Variants in PACS1 observed in about 807,000 individuals in gnomAD.
PACS1 encodes PACS-1.
In PACS1, 24 loss-of-function variants were observed where a neutral mutation model predicts 115.0. That is an observed-to-expected ratio of 0.21 (90% CI 0.15 to 0.29). The LOEUF (loss-of-function observed/expected upper bound fraction) is 0.29. PACS1 is among the 10% of genes least tolerant of loss of function. The pLI, the probability that PACS1 is intolerant of heterozygous loss-of-function variation, is 1.00. For missense variants in PACS1, 838 were observed against 1,251.2 expected (o/e 0.67, Z 4.98); for synonymous variants, 453 against 504.5 (o/e 0.90, Z 1.37).
At chr11:66,229,878 G>A (rs1456771909) in intron 11 of PACS1, among the ~76,000 whole-genome samples, 7 of 150,304 alleles carry the variant, frequency 4.7e-5, no homozygotes, top group Admixed American at 4.0e-4. Context: ...CTTGGGAGGC[G>A]GAGGTTGCGG....
intron 10 of PACS1, among the ~76,000 whole-genome samples, chr11:66,225,842 A>T (rs1855460582): frequency 6.6e-6 from 1 of 152,202 alleles, no homozygotes. Flanking sequence ...TCTCAGGTCT[A>T]ACCAGAGCTT....
chr11:66,228,454 C>T (rs185171847), intron 11 of PACS1, among the ~76,000 whole-genome samples: 6 of 152,208 alleles, frequency 3.9e-5, no homozygotes, highest in African/African-American at 4.8e-5. Context: ...CCCTAACTTA[C>T]ATTTTCTAGT....
intron 2 of PACS1, among the ~76,000 whole-genome samples, chr11:66,194,725 A>C (rs1854610529): frequency 6.6e-6 from 1 of 152,162 alleles, no homozygotes; most frequent in Non-Finnish European, 1.5e-5. Context: ...TATTCATTGA[A>C]AAATAGCAAA....
intron 20 of PACS1, 104 bp downstream of exon 20, chr11:66,238,950 G>T: frequency 7.2e-7 from 1 of 1,383,266 alleles, no homozygotes; most frequent in Non-Finnish European, 1.0e-6. Flanking sequence ...CCTGAGGGAA[G>T]TCAGAGCTTG....
Position 66,082,885 on chromosome 11 carries a change from C to T in PACS1, c.356+12043C>T, listed in dbSNP as rs569474348. Among the ~76,000 whole-genome samples, 3 of 152,228 alleles carry T rather than the reference C, an allele frequency of 2.0e-5. No individual in the cohort carries two copies. In the South Asian group the frequency reaches 6.2e-4, roughly 32 times the overall value. ...AATATAAAATAAAATGTCTGAGCAT[C>T]TATGTTCATAGAAATCATGACCTTC... is the stretch of plus-strand genomic sequence containing the variant. On this transcript the variant is annotated intron_variant, in intron 1 of 23. Coordinates refer to ENST00000320580, the MANE Select transcript of PACS1 (RefSeq NM_018026.4).
intron 1 of PACS1, among the ~76,000 whole-genome samples, chr11:66,188,362 G>C (rs1367845795): frequency 6.6e-6 from 1 of 151,734 alleles, no homozygotes; most frequent in African/African-American, 2.4e-5. Context: ...GGGTTCCCTT[G>C]GGAGCTGGTT....
chr11:66,152,652 G>A (rs762963733), intron 1 of PACS1, among the ~76,000 whole-genome samples: 8 of 152,122 alleles, frequency 5.3e-5, no homozygotes, highest in Non-Finnish European at 1.0e-4. Context: ...GTGACGATTG[G>A]GTGTTCATGC....
At chr11:66,210,199 A>T (rs1025860611) in intron 2 of PACS1, among the ~76,000 whole-genome samples, 163 bp from the exon 3 acceptor site, 5 of 151,334 alleles carry the variant, frequency 3.3e-5, no homozygotes, top group African/African-American at 4.9e-5. Flanking sequence ...CACCCAGCCA[A>T]TTTTTTTTAT....
intron 1 of PACS1, among the ~76,000 whole-genome samples, chr11:66,100,149 G>A (rs999634091): frequency 6.6e-6 from 1 of 152,164 alleles, no homozygotes; most frequent in African/African-American, 2.4e-5. Flanking sequence ...CAAAGTGCTG[G>A]GATTACAGGC....
chr11:66,225,361 T>C (rs544973956), intron 10 of PACS1, among the ~76,000 whole-genome samples: 22 of 152,332 alleles, frequency 1.4e-4, no homozygotes, highest in Non-Finnish European at 2.8e-4. Context: ...CCAACATCTT[T>C]TGGGGGAAAA....
At chr11:66,133,371 C>A (rs577629991) in intron 1 of PACS1, among the ~76,000 whole-genome samples, 42 of 152,300 alleles carry the variant, frequency 2.8e-4, no homozygotes, top group African/African-American at 8.7e-4. Flanking sequence ...TTCCTATGTT[C>A]TGCTCCTTGG....
chr11:66,167,377 T>C (rs889744441), intron 1 of PACS1, among the ~76,000 whole-genome samples: 2 of 137,186 alleles, frequency 1.5e-5, no homozygotes, highest in African/African-American at 5.9e-5. Flanking sequence ...TACTCTGTGA[T>C]CCAGGCTGGA....
chr11:66,070,587 CGCA>C lies in PACS1; in HGVS notation c.119_121del (p.Gln40del), dbSNP rs749515977. 825 of 1,478,732 alleles carry C rather than the reference CGCA, an allele frequency of 5.6e-4. No individual in the cohort carries two copies. Among genetic ancestry groups the C allele is most frequent in the Admixed American group, 1.5e-3 (67 of 45,980 alleles). 91.6% of individuals were successfully genotyped at this position (1,478,732 alleles called of 1,614,324 possible). ...GCCCAGTCCCCTCAGCAGCCGCCGC[CGCA>C]GCAGCAGCAGCAGCAGCCGCCGCAG... On this transcript the variant is annotated inframe_deletion, in exon 1 of 24. Coordinates refer to ENST00000320580, the MANE Select transcript of PACS1 (RefSeq NM_018026.4). This position sits in a 1 kb window ranked among gnomAD's most constrained non-coding sequence, Gnocchi z 5.9.
chr11:66,207,005 T>G (rs930714111), intron 2 of PACS1, among the ~76,000 whole-genome samples: 5 of 152,242 alleles, frequency 3.3e-5, no homozygotes, highest in South Asian at 2.1e-4. Context: ...CTTACTAAGC[T>G]GCAGTTGTTA....
At chr11:66,082,440 T>TGGC (rs1857497719) in intron 1 of PACS1, among the ~76,000 whole-genome samples, 1 of 152,094 alleles carries the variant, frequency 6.6e-6, no homozygotes, top group Non-Finnish European at 1.5e-5. Flanking sequence ...CAAGTGATCC[T>TGGC]CTCACCTCAG....
At chr11:66,182,585 C>T (rs1860035044) in intron 1 of PACS1, among the ~76,000 whole-genome samples, 1 of 152,072 alleles carries the variant, frequency 6.6e-6, no homozygotes, top group Non-Finnish European at 1.5e-5. Context: ...ACCTTAGCCT[C>T]CTGAGTAGCT....
In PACS1 at chr11:66,114,531, TTAAC is replaced by T. The variant is rs774234703; in HGVS notation, c.356+43693_356+43696del. Among the ~76,000 whole-genome samples the T allele has an allele frequency of 2.2e-4, 34 of 152,350 alleles. No homozygotes were observed. The South Asian group carries it at 6.8e-3, about 31-fold the overall frequency. On this transcript the variant is annotated intron_variant, in intron 1 of 23. Coordinates refer to ENST00000320580, the MANE Select transcript of PACS1 (RefSeq NM_018026.4). Reference sequence around the variant, plus strand: ...ATAGAATAGAGAAAACACAGTTTATTTAACTAATCCTACTAAATGGACATTTATT... The same window carrying T: ...ATAGAATAGAGAAAACACAGTTTATTTAATCCTACTAAATGGACATTTATT...
At chr11:66,227,648 G>C in intron 11 of PACS1, 64 bp downstream of exon 11, 1 of 1,032,550 alleles carries the variant, frequency 9.7e-7, no homozygotes, top group Non-Finnish European at 1.5e-6. Context: ...TAGAAATAAC[G>C]GCAGAAGGAC....
At chr11:66,071,229 C>G (rs1175055015) in intron 1 of PACS1, among the ~76,000 whole-genome samples, 1 of 152,120 alleles carries the variant, frequency 6.6e-6, no homozygotes, top group Non-Finnish European at 1.5e-5. Context: ...TTATTATTTC[C>G]CAATAGACTC....
Sources: gnomAD v4.1 joint callset for allele counts (sites outside exome capture counted in the v4.1 genomes callset) on GRCh38, gnomAD v4.1.1 for gene constraint, Gnocchi (gnomAD v3.1) non-coding constraint, MANE v1.5 for transcripts, NCBI Gene and HGNC (gene_info 2026-07-23, HGNC 2026-07-21) for gene names.